Variants in NXPH1 observed in about 807,000 individuals in gnomAD.
NXPH1 encodes the protein neurexophilin 1, also known as neurexophilin-1.
A neutral mutation model predicts 23.7 loss-of-function variants in NXPH1; 5 were observed. The observed-to-expected ratio is 0.21, with a 90% confidence interval of 0.11 to 0.44. The LOEUF (loss-of-function observed/expected upper bound fraction) is 0.44, where lower values mean the gene tolerates loss of function less well. NXPH1 is among the 20% of genes least tolerant of loss of function. NXPH1 has a pLI of 0.99. For missense variants in NXPH1, 324 were observed against 321.6 expected (o/e 1.01, Z -0.06); for synonymous variants, 144 against 122.2 (o/e 1.18, Z -1.18).
rs111501419 is a variant in NXPH1 at position 8,633,239 on chromosome 7, T to C, written c.55-117769T>C. ...CGAGGTCAGGAGATGGAGGCCATCCTGGCTAACATGGTGAAACACTGTGTC... is the reference window on the plus strand; with the variant it reads ...CGAGGTCAGGAGATGGAGGCCATCCCGGCTAACATGGTGAAACACTGTGTC... On this transcript the variant is annotated intron_variant, in intron 2 of 2. Coordinates refer to ENST00000405863, the MANE Select transcript of NXPH1 (RefSeq NM_152745.3). Among the ~76,000 whole-genome samples the C allele has an allele frequency of 7.3e-3, 1,112 of 152,288 alleles. 19 individuals carry two copies. Among genetic ancestry groups the C allele is most frequent in the African/African-American group, 0.025 (1,055 of 41,570 alleles).
intron 2 of NXPH1, among the ~76,000 whole-genome samples, chr7:8,438,915 C>T (rs1046527313): frequency 1.3e-5 from 2 of 152,080 alleles, no homozygotes; most frequent in African/African-American, 2.4e-5. Flanking sequence ...TAGATATGTG[C>T]CCACAGAGTT....
chr7:8,717,292 G>T (rs1036297671), intron 2 of NXPH1, among the ~76,000 whole-genome samples: 2 of 151,914 alleles, frequency 1.3e-5, no homozygotes, highest in African/African-American at 2.4e-5. Flanking sequence ...GTGGTATTTT[G>T]GTCACTGTAT....
intron 2 of NXPH1, among the ~76,000 whole-genome samples, chr7:8,622,810 C>T (rs1002438930): frequency 3.3e-5 from 5 of 152,034 alleles, no homozygotes; most frequent in African/African-American, 9.7e-5. Context: ...AGTACAAGTG[C>T]GAGTAATCTC....
chr7:8,701,065 T>C (rs561098543), intron 2 of NXPH1, among the ~76,000 whole-genome samples: 1 of 152,156 alleles, frequency 6.6e-6, no homozygotes, highest in Non-Finnish European at 1.5e-5. Context: ...AACCACTGAA[T>C]CACCTTCCAA....
chr7:8,515,123 T>C (rs972683), intron 2 of NXPH1, among the ~76,000 whole-genome samples: 94,173 of 152,008 alleles, frequency 0.62, 29,574 homozygotes, highest in African/African-American at 0.72. Context: ...TACAAAATGC[T>C]TTCCAGCTAA....
chr7:8,514,940 A>G (rs902415580), intron 2 of NXPH1, among the ~76,000 whole-genome samples: 4 of 152,056 alleles, frequency 2.6e-5, no homozygotes, highest in Middle Eastern at 3.2e-3. Flanking sequence ...CATATGGCCC[A>G]TATGTCTTCT....
At chr7:8,576,512 C>G (rs1377998575) in intron 2 of NXPH1, among the ~76,000 whole-genome samples, 1 of 152,082 alleles carries the variant, frequency 6.6e-6, no homozygotes, top group African/African-American at 2.4e-5. Context: ...GAGGGACATT[C>G]TAGACAATGT....
intron 2 of NXPH1, among the ~76,000 whole-genome samples, chr7:8,622,926 T>C (rs886276642): frequency 6.6e-6 from 1 of 151,660 alleles, no homozygotes; most frequent in African/African-American, 2.4e-5. Flanking sequence ...GCTGCTGGAG[T>C]GGTCTTGGGA....
At chr7:8,700,002 G>A (rs1009080666) in intron 2 of NXPH1, among the ~76,000 whole-genome samples, 1 of 152,128 alleles carries the variant, frequency 6.6e-6, no homozygotes, top group African/African-American at 2.4e-5. Context: ...TAAAAATCCA[G>A]TGTGAACCAG....
intron 2 of NXPH1, among the ~76,000 whole-genome samples, chr7:8,499,496 G>C (rs1444766048): frequency 2.0e-5 from 3 of 152,098 alleles, no homozygotes; most frequent in Non-Finnish European, 2.9e-5. Context: ...GCAAGAATGA[G>C]ACTTGGATTC....
chr7:8,681,236 A>AT (rs1821044302), intron 2 of NXPH1, among the ~76,000 whole-genome samples: 1 of 152,240 alleles, frequency 6.6e-6, no homozygotes, highest in African/African-American at 2.4e-5. Flanking sequence ...CCTTTCTACC[A>AT]TATCACACCA....
chr7:8,439,999 G>C (rs1816268403), intron 2 of NXPH1, among the ~76,000 whole-genome samples: 1 of 152,206 alleles, frequency 6.6e-6, no homozygotes, highest in South Asian at 2.1e-4. Context: ...TGGCTATTAA[G>C]TGTTCCCTAT....
chr7:8,731,715 C>T (rs1051370679), intron 2 of NXPH1, among the ~76,000 whole-genome samples: 1 of 152,248 alleles, frequency 6.6e-6, no homozygotes, highest in Non-Finnish European at 1.5e-5. Context: ...TCTCCAGCTG[C>T]ATGCTGGGAG....
intron 2 of NXPH1, among the ~76,000 whole-genome samples, chr7:8,613,330 G>T (rs992266632): frequency 2.0e-5 from 3 of 151,936 alleles, no homozygotes; most frequent in African/African-American, 7.2e-5. Context: ...GGCTTTCGTG[G>T]TGCATTTCAA....
At chr7:8,611,846 A>G (rs1819628957) in intron 2 of NXPH1, among the ~76,000 whole-genome samples, 1 of 152,102 alleles carries the variant, frequency 6.6e-6, no homozygotes, top group South Asian at 2.1e-4. Flanking sequence ...TCTTGGTACT[A>G]CTAAGTCTAG....
At chr7:8,540,614 G>C (rs533657391) in intron 2 of NXPH1, among the ~76,000 whole-genome samples, 39 of 151,850 alleles carry the variant, frequency 2.6e-4, no homozygotes, top group Non-Finnish European at 5.2e-4. Context: ...GTCCTCGAAA[G>C]GAGAGAGCTG....
At chr7:8,441,733 T>C (rs899688556) in intron 2 of NXPH1, among the ~76,000 whole-genome samples, 5 of 152,192 alleles carry the variant, frequency 3.3e-5, no homozygotes, top group African/African-American at 1.2e-4. Context: ...GGCGGCTTCT[T>C]CAAACCCCTC....
intron 2 of NXPH1, among the ~76,000 whole-genome samples, chr7:8,529,000 C>T (rs74523270): frequency 0.065 from 9,878 of 152,296 alleles, 436 homozygotes; most frequent in Middle Eastern, 0.14. Flanking sequence ...TCAGTGTCCT[C>T]TTCCAAGTTC....
chr7:8,506,263 C>A (rs1331079171), intron 2 of NXPH1, among the ~76,000 whole-genome samples: 2 of 152,032 alleles, frequency 1.3e-5, no homozygotes, highest in African/African-American at 4.8e-5. Flanking sequence ...TTCTGTTACT[C>A]CAAGGGAAGA....
Sources: allele counts gnomAD v4.1 joint callset (sites outside exome capture counted in the v4.1 genomes callset), GRCh38; gene constraint gnomAD v4.1.1; transcripts MANE v1.5; gene names NCBI Gene and HGNC (gene_info 2026-07-23, HGNC 2026-07-21).